The following GRIK2 variants were observed in gnomAD, a reference collection of about 807,000 sequenced individuals.
The protein encoded by GRIK2 is glutamate ionotropic receptor kainate type subunit 2, also known as glutamate receptor ionotropic, kainate 2.
Under a neutral mutation model 100.3 loss-of-function variants are expected in GRIK2, and 32 were observed. That is an observed-to-expected ratio of 0.32 (90% CI 0.24 to 0.43). The LOEUF (loss-of-function observed/expected upper bound fraction) is 0.43. Among genes scored for constraint, GRIK2 ranks in the 20% least tolerant of loss-of-function variants. The pLI is 1.00. For synonymous variants in GRIK2, 417 were observed against 389.4 expected (o/e 1.07, Z -0.83); for missense variants, 843 against 1,114.9 (o/e 0.76, Z 3.47).
intron 7 of GRIK2, among the ~76,000 whole-genome samples, chr6:101,768,671 A>G (rs1012576852): frequency 1.5e-4 from 22 of 151,450 alleles, no homozygotes; most frequent in Non-Finnish European, 1.5e-4. Context: ...GCACACAGCT[A>G]TATATCACAG....
intron 2 of GRIK2, among the ~76,000 whole-genome samples, chr6:101,406,305 G>A (rs1775592274): frequency 6.6e-6 from 1 of 151,926 alleles, no homozygotes; most frequent in Admixed American, 6.6e-5. Context: ...ATAGTATTTG[G>A]TTTTTAGGTT....
At chr6:101,783,281 C>G (rs1420665977) in intron 7 of GRIK2, among the ~76,000 whole-genome samples, 1 of 151,976 alleles carries the variant, frequency 6.6e-6, no homozygotes, top group Non-Finnish European at 1.5e-5. Flanking sequence ...CTCATGAGAT[C>G]TGATGATTTT....
At chr6:101,501,077 A>AT (rs948654931) in intron 2 of GRIK2, among the ~76,000 whole-genome samples, 3 of 152,092 alleles carry the variant, frequency 2.0e-5, no homozygotes, top group African/African-American at 7.2e-5. Context: ...AATGACAGTG[A>AT]TTTTTTTCTC....
intron 14 of GRIK2, among the ~76,000 whole-genome samples, chr6:101,935,284 G>T (rs1265570815): frequency 6.6e-6 from 1 of 151,846 alleles, no homozygotes; most frequent in East Asian, 1.9e-4. Flanking sequence ...CTATTAACTA[G>T]CCACATAGCT....
intron 2 of GRIK2, among the ~76,000 whole-genome samples, chr6:101,486,382 G>C (rs1772828223): frequency 7.3e-6 from 1 of 136,606 alleles, no homozygotes; most frequent in Non-Finnish European, 1.6e-5. Flanking sequence ...GTTGCATGAG[G>C]GGGTGGGGCG....
At chr6:101,925,299 T>G in intron 13 of GRIK2, among the ~76,000 whole-genome samples, 1 of 152,110 alleles carries the variant, frequency 6.6e-6, no homozygotes, top group East Asian at 1.9e-4. Flanking sequence ...TTTTCGTAAT[T>G]ATTTAAACTT....
intron 2 of GRIK2, among the ~76,000 whole-genome samples, chr6:101,463,169 T>G (rs1437506739): frequency 2.6e-5 from 4 of 152,204 alleles, no homozygotes; most frequent in African/African-American, 9.6e-5. Flanking sequence ...GCTAACATTA[T>G]ATAATAGCAT....
chr6:101,830,529 C>G (rs932342897), intron 10 of GRIK2, among the ~76,000 whole-genome samples: 1 of 151,802 alleles, frequency 6.6e-6, no homozygotes, highest in East Asian at 1.9e-4. Flanking sequence ...AAGGAAATAT[C>G]CCCATTAAAA....
At chr6:102,016,732 T>A (rs13218403) in intron 14 of GRIK2, among the ~76,000 whole-genome samples, 41,261 of 151,854 alleles carry the variant, frequency 0.27, 6,003 homozygotes, top group East Asian at 0.34. Context: ...ACTTCCCTGA[T>A]CTAGCTCAAG....
rs556686436 is a variant in GRIK2, at chr6:101,470,512, C to T, written c.115+71120C>T. Among the ~76,000 whole-genome samples, 25 of 152,246 alleles carry T rather than the reference C, an allele frequency of 1.6e-4. No homozygotes were observed. The South Asian group carries it at 2.7e-3, about 16-fold the overall frequency. On this transcript the variant is annotated intron_variant, in intron 2 of 16. Coordinates refer to ENST00000369134, the MANE Select transcript of GRIK2 (RefSeq NM_021956.5). ...CGAAATGCCTGTCTCCTCTTCTGAG[C>T]GAATCCTTCAATGTGATAATTTTTC...
intron 2 of GRIK2, among the ~76,000 whole-genome samples, chr6:101,426,781 C>T (rs370472491): frequency 1.2e-4 from 18 of 152,206 alleles, no homozygotes; most frequent in African/African-American, 4.3e-4. Context: ...CCCTTTTCTT[C>T]CCTTTCACCC....
chr6:101,436,327 G>A (rs1262502270), intron 2 of GRIK2, among the ~76,000 whole-genome samples: 1 of 151,854 alleles, frequency 6.6e-6, no homozygotes, highest in Non-Finnish European at 1.5e-5. Flanking sequence ...GAGTGATTCA[G>A]GATAGTGCAC....
chr6:101,964,131 A>G (rs749704361), intron 14 of GRIK2, among the ~76,000 whole-genome samples: 5 of 151,038 alleles, frequency 3.3e-5, no homozygotes, highest in Non-Finnish European at 7.4e-5. Context: ...GTAGATATAT[A>G]ATATATACAT....
At chr6:102,011,280 A>C (rs1795516913) in intron 14 of GRIK2, among the ~76,000 whole-genome samples, 1 of 152,146 alleles carries the variant, frequency 6.6e-6, no homozygotes, top group Non-Finnish European at 1.5e-5. Context: ...TTTAGTGTGC[A>C]ATTCCTTAAT....
chr6:101,913,869 G>T (rs1788920740), intron 12 of GRIK2, among the ~76,000 whole-genome samples: 1 of 151,478 alleles, frequency 6.6e-6, no homozygotes, highest in Admixed American at 6.6e-5. Context: ...TAGAAAAAAT[G>T]ATATGACTCA....
intron 14 of GRIK2, among the ~76,000 whole-genome samples, chr6:102,019,303 C>T (rs1009340114): frequency 6.6e-6 from 1 of 152,058 alleles, no homozygotes; most frequent in African/African-American, 2.4e-5. Flanking sequence ...TCCTGGACAT[C>T]TGCAGCCTTT....
chr6:101,716,312 G>T (rs1466041863), intron 7 of GRIK2, among the ~76,000 whole-genome samples: 1 of 151,460 alleles, frequency 6.6e-6, no homozygotes, highest in Non-Finnish European at 1.5e-5. Context: ...GAAGAGGAAA[G>T]GTATACTATA....
chr6:101,873,740 C>T (rs1277431810), intron 11 of GRIK2, among the ~76,000 whole-genome samples: 1 of 151,936 alleles, frequency 6.6e-6, no homozygotes, highest in East Asian at 1.9e-4. Flanking sequence ...TATTTCTCCA[C>T]ATCCTCTCCA....
At chr6:101,957,508 C>T (rs1242023348) in intron 14 of GRIK2, among the ~76,000 whole-genome samples, 2 of 151,278 alleles carry the variant, frequency 1.3e-5, no homozygotes, top group East Asian at 3.9e-4. Flanking sequence ...TTATTTTTTA[C>T]TGTGCAGACA....
Sources: allele counts gnomAD v4.1 joint callset (sites outside exome capture counted in the v4.1 genomes callset), GRCh38; gene constraint gnomAD v4.1.1; transcripts MANE v1.5; gene names NCBI Gene and HGNC (gene_info 2026-07-23, HGNC 2026-07-21).